SLC12A4: variants seen among roughly 807,000 people sequenced by gnomAD.
The protein encoded by SLC12A4 is solute carrier family 12 member 4, also known as electroneutral potassium-chloride cotransporter 1.
In SLC12A4, 84 loss-of-function variants were observed where a neutral mutation model predicts 119.2. The ratio of observed to expected loss-of-function variants is 0.70; its 90% confidence interval spans 0.59 to 0.85. The LOEUF (loss-of-function observed/expected upper bound fraction) is 0.85. SLC12A4 is among the 40% of genes least tolerant of loss of function. The pLI, the probability that SLC12A4 is intolerant of heterozygous loss-of-function variation, is 0.00. For missense variants in SLC12A4, 1,298 were observed against 1,476.3 expected, an observed-to-expected ratio of 0.88 and a Z score of 1.98; for synonymous variants, 599 against 604.6, an observed-to-expected ratio of 0.99 and a Z score of 0.14.
chr16:67,947,940 G>A (rs778137221), intron 14 of SLC12A4, 121 bp downstream of exon 14: 32 of 1,463,820 alleles, frequency 2.2e-5, no homozygotes, highest in Admixed American at 2.0e-4. Context: ...CCAGTCCCCC[G>A]CAGCCCTATA....
In SLC12A4 at chr16:67,951,006, A is replaced by G. The variant is rs769233767; in HGVS notation, c.1352T>C (p.Ile451Thr). The change falls in exon 10 of 24, where the codon ATC (isoleucine) becomes ACC (threonine). Residue 451 changes from isoleucine (I) to threonine (T), a missense_variant. By Grantham distance (89) the Ile-to-Thr change is moderately conservative (BLOSUM62 -1). Transcript: ENST00000316341. The surrounding 1 kb of genome is among the most constrained non-coding windows in gnomAD (Gnocchi z 5.2). The part of the protein sequence containing the change: ...SGDLRDAQKS[I>T]PVGTILAIIT... ...GATGGCCAGAATGGTCCCCACAGGG[A>G]TAGACTTCTGGGCGTCACGAAGGTC... 1.2e-6 allele frequency: 2 copies of G among 1,613,912 alleles called. No individual in the cohort carries two copies. The highest frequency in any genetic ancestry group is 1.7e-6 in the Non-Finnish European group (2 of 1,180,012).
intron 1 of SLC12A4, chr16:67,963,860 C>A (rs924617252): frequency 6.5e-6 from 10 of 1,531,676 alleles, no homozygotes; most frequent in Middle Eastern, 1.7e-4. Context: ...TGCAGAGGGG[C>A]GGGGCCAGCG....
chr16:67,947,895 G>T, intron 14 of SLC12A4, 107 bp from the exon 15 acceptor site: 2 of 1,508,438 alleles, frequency 1.3e-6, no homozygotes, highest in Non-Finnish European at 1.8e-6. Context: ...GAGGTCCCAG[G>T]TGGGTGGTCA....
rs2058352305 is a variant in SLC12A4 at position 67,946,528 on chromosome 16, G to A, written c.2347C>T (p.Leu783=). ...GLAHLIQSCG[L]GGMRHNSVVL... is the part of the protein sequence containing the mutation. ...ACGGAGTTATGCCGCATGCCTCCCA[G>A]GCCACAGGACTGGATGAGGTGGGCC... The change falls in exon 18 of 24, where the codon CTG becomes TTG. Residue 783 remains leucine, a synonymous_variant. Transcript: ENST00000316341. The A allele has an allele frequency of 1.2e-6, 2 of 1,610,910 alleles. No homozygotes were observed. The highest frequency in any genetic ancestry group is 1.3e-5 in the African/African-American group (1 of 74,938).
chr16:67,967,842 G>A (rs1308571550), intron 1 of SLC12A4, among the ~76,000 whole-genome samples: 1 of 152,106 alleles, frequency 6.6e-6, no homozygotes, highest in Non-Finnish European at 1.5e-5. Context: ...CTCACTTCAA[G>A]TGCCTAGACA....
Position 67,944,309 on chromosome 16 carries a change from G to C in SLC12A4, c.*531C>G. 7.1e-7 allele frequency: 1 copy of C among 1,407,618 alleles called. No individual in the cohort carries two copies. Among genetic ancestry groups the C allele is most frequent in the Non-Finnish European group, 9.2e-7 (1 of 1,082,874 alleles). The allele number at this position is 1,407,618 out of a possible 1,614,324, so 87.2% of individuals were successfully genotyped here. On this transcript the variant is annotated 3_prime_UTR_variant, in exon 24 of 24. Coordinates refer to ENST00000316341, the MANE Select transcript of SLC12A4 (RefSeq NM_005072.5). The surrounding 1 kb of genome is among the most constrained non-coding windows in gnomAD (Gnocchi z 6.6). ...TCTTCTCTTGGCGCCAGGGGAAACA[G>C]AGCCGGGGCAGCAGGAGGCCCAGAA...
chr16:67,951,281 C>T lies in SLC12A4; in HGVS notation c.1156G>A (p.Glu386Lys). 6.2e-7 allele frequency: 1 copy of T among 1,613,892 alleles called. No individual in the cohort carries two copies. Among genetic ancestry groups the T allele is most frequent in the East Asian group, 2.2e-5 (1 of 44,878 alleles). The change falls in exon 9 of 24, where the codon GAG (glutamate) becomes AAG (lysine). Residue 386 changes from glutamate (E) to lysine (K), a missense_variant. Glu to Lys is a moderately conservative substitution (Grantham distance 56). Coordinates refer to ENST00000316341, the MANE Select transcript of SLC12A4 (RefSeq NM_005072.5). The surrounding 1 kb of genome is among the most constrained non-coding windows in gnomAD (Gnocchi z 5.2). ...LQENLWSAYLEKGDIVEKHGL... is the reference protein window; with the variant it reads ...LQENLWSAYLKKGDIVEKHGL... Reference sequence around the variant, plus strand: ...TGCTTCTCCACGATGTCACCCTTCTCCAGGTAGGCGCTCCACAGGTTTTCT... The same window carrying T: ...TGCTTCTCCACGATGTCACCCTTCTTCAGGTAGGCGCTCCACAGGTTTTCT...
intron 18 of SLC12A4, 47 bp downstream of exon 18, chr16:67,946,391 G>A: frequency 6.2e-7 from 1 of 1,603,016 alleles, no homozygotes; most frequent in Non-Finnish European, 8.5e-7. Context: ...TCCGCCCACT[G>A]CCACCTCACT....
chr16:67,957,247 G>A (rs1043405729), intron 5 of SLC12A4, among the ~76,000 whole-genome samples: 1 of 147,804 alleles, frequency 6.8e-6, no homozygotes, highest in African/African-American at 2.5e-5. Flanking sequence ...TCGGCTCACC[G>A]CAAGCTCTGC....
rs763857844 is a variant in SLC12A4 at position 67,945,436 on chromosome 16, A to T, written c.2965T>A (p.Tyr989Asn). ...KIQMTWTRDK[Y>N]MTETWDPSHA... Reference sequence around the variant, plus strand: ...CTGGGGTCCCAGGTCTCAGTCATGTACTTGTCCCTGGTCCACGTCATCTGG... The same window carrying T: ...CTGGGGTCCCAGGTCTCAGTCATGTTCTTGTCCCTGGTCCACGTCATCTGG... Residue 989 changes from tyrosine to asparagine, a missense_variant, in exon 22 of 24, where the codon TAC (tyrosine) becomes AAC (asparagine). Coordinates refer to ENST00000316341, the MANE Select transcript of SLC12A4 (RefSeq NM_005072.5). The T allele has an allele frequency of 1.9e-6, 3 of 1,614,060 alleles. No homozygotes were observed. The highest frequency in any genetic ancestry group is 2.5e-6 in the Non-Finnish European group (3 of 1,180,002).
chr16:67,957,160 G>A (rs1385056972), intron 5 of SLC12A4, among the ~76,000 whole-genome samples: 1 of 149,206 alleles, frequency 6.7e-6, no homozygotes, highest in African/African-American at 2.5e-5. Flanking sequence ...CCACCACCAT[G>A]CCTGGCTAAT....
At chr16:67,947,129 C>A in intron 16 of SLC12A4, 24 bp from the exon 17 acceptor site, 1 of 1,564,286 alleles carries the variant, frequency 6.4e-7, no homozygotes, top group Non-Finnish European at 8.6e-7. Flanking sequence ...GTGGGGGGAG[C>A]CTGAGACCAG....
chr16:67,946,540 G>C lies in SLC12A4; in HGVS notation c.2335C>G (p.Gln779Glu). Residue 779 changes from glutamine to glutamate, a missense_variant, in exon 18 of 24, where the codon CAG becomes GAG. Transcript: ENST00000316341. ...KVREGLAHLI[Q>E]SCGLGGMRHN... ...CGCATGCCTCCCAGGCCACAGGACTGGATGAGGTGGGCCAGCCCCTCCCGC... is the reference window on the plus strand; with the variant it reads ...CGCATGCCTCCCAGGCCACAGGACTCGATGAGGTGGGCCAGCCCCTCCCGC... 2.5e-6 allele frequency: 4 copies of C among 1,611,678 alleles called. No individual in the cohort carries two copies. Among genetic ancestry groups the C allele is most frequent in the Non-Finnish European group, 3.4e-6 (4 of 1,180,016 alleles).
At position 67,949,670 on chromosome 16, in the gene SLC12A4, C is replaced by G; in HGVS notation, c.1748+130G>C. The G allele has an allele frequency of 1.6e-6, 1 of 640,208 alleles. No individual in the cohort carries two copies. The highest frequency in any genetic ancestry group is 2.7e-6 in the Non-Finnish European group (1 of 374,644). 39.7% of individuals were successfully genotyped at this position (640,208 alleles called of 1,614,324 possible). Reference sequence around the variant, plus strand: ...AATGCAGGGGTGGGCTGAGCCCTGTCAGGCCACATCTCCCCATGCAGCCTG... The same window carrying G: ...AATGCAGGGGTGGGCTGAGCCCTGTGAGGCCACATCTCCCCATGCAGCCTG... On this transcript the variant is annotated intron_variant, in intron 13 of 23. Transcript: ENST00000316341. The surrounding 1 kb of genome is among the most constrained non-coding windows in gnomAD (Gnocchi z 4.6).
intron 3 of SLC12A4, among the ~76,000 whole-genome samples, chr16:67,960,753 T>C (rs543026775): frequency 1.7e-4 from 25 of 151,266 alleles, no homozygotes; most frequent in African/African-American, 5.6e-4. Context: ...TGAGCCGCAA[T>C]GACACAGAGG....
At position 67,944,427 on chromosome 16, in the gene SLC12A4, C is replaced by G. The variant is rs2058317794; in HGVS notation, c.*413G>C. 32 of 1,267,776 alleles carry G rather than the reference C, an allele frequency of 2.5e-5. No homozygotes were observed. The highest frequency in any genetic ancestry group is 3.1e-5 in the Non-Finnish European group (31 of 1,005,588). 78.5% of individuals were successfully genotyped at this position (1,267,776 alleles called of 1,614,324 possible). ...GGGGCCCTGCCCATAGTAGACTGAG[C>G]CAGATCTTCCTGCAGGCAGCTGGGC... On this transcript the variant is annotated 3_prime_UTR_variant, in exon 24 of 24. Transcript: ENST00000316341. This position sits in a 1 kb window ranked among gnomAD's most constrained non-coding sequence, Gnocchi z 6.6.
In SLC12A4 at chr16:67,950,067, C is replaced by CTGAT; in HGVS notation, c.1630-153_1630-150dup. 1 of 709,338 alleles carries CTGAT rather than the reference C, an allele frequency of 1.4e-6. No homozygotes were observed. Among genetic ancestry groups the CTGAT allele is most frequent in the Non-Finnish European group, 2.4e-6 (1 of 417,004 alleles). The allele number at this position is 709,338 out of a possible 1,614,324, so 43.9% of individuals were successfully genotyped here. ...ATCCCTATGGGTGTCACCAGTCTCCCTGATTCCACCTCACCAGGCCTCTCT... is the reference window on the plus strand; with the variant it reads ...ATCCCTATGGGTGTCACCAGTCTCCCTGATTGATTCCACCTCACCAGGCCTCTCT... On this transcript the variant is annotated intron_variant, in intron 12 of 23. Transcript: ENST00000316341. This position sits in a 1 kb window ranked among gnomAD's most constrained non-coding sequence, Gnocchi z 4.3.
At chr16:67,961,986 G>A (rs917552765) in intron 2 of SLC12A4, among the ~76,000 whole-genome samples, 1 of 152,212 alleles carries the variant, frequency 6.6e-6, no homozygotes, top group African/African-American at 2.4e-5. Context: ...CCTCAGGGGA[G>A]AGAGGGCAGG....
At chr16:67,968,232 C>CCGGGCG (rs1048828933) in intron 1 of SLC12A4, among the ~76,000 whole-genome samples, 3 of 152,034 alleles carry the variant, frequency 2.0e-5, no homozygotes, top group Admixed American at 6.5e-5. Flanking sequence ...GAGAAAGCGG[C>CCGGGCG]CGGGCGCGGG....
Sources: gnomAD v4.1 joint callset for allele counts (sites outside exome capture counted in the v4.1 genomes callset) on GRCh38, gnomAD v4.1.1 for gene constraint, Gnocchi (gnomAD v3.1) non-coding constraint, MANE v1.5 for transcripts, NCBI Gene and HGNC (gene_info 2026-07-23, HGNC 2026-07-21) for gene names.